The following NR3C2 variants were observed in gnomAD, a reference collection of about 807,000 sequenced individuals.
The protein encoded by NR3C2 is mineralocorticoid receptor.
Under a neutral mutation model 86.4 loss-of-function variants are expected in NR3C2, and 15 were observed. The ratio of observed to expected loss-of-function variants is 0.17; its 90% CI spans 0.12 to 0.27. The LOEUF is 0.27. Ranked by LOEUF, NR3C2 falls within the 10% of genes least tolerant of loss-of-function variation. NR3C2 has a pLI of 1.00. For missense variants in NR3C2, 960 were observed against 1,195.6 expected (o/e 0.80, Z 2.91); for synonymous variants, 458 against 450.5 (o/e 1.02, Z -0.21).
At chr4:148,296,656 G>A (rs1742069934) in intron 2 of NR3C2, among the ~76,000 whole-genome samples, 1 of 151,320 alleles carries the variant, frequency 6.6e-6, no homozygotes. Context: ...CATAAAGACA[G>A]GGGAACTGAA....
chr4:148,217,740 A>C (rs1245885026), intron 3 of NR3C2, among the ~76,000 whole-genome samples: 1 of 152,222 alleles, frequency 6.6e-6, no homozygotes. Context: ...AATAGTCTAA[A>C]GTTTTCCACC....
chr4:148,225,248 T>C (rs541488978), intron 3 of NR3C2, among the ~76,000 whole-genome samples: 9 of 152,252 alleles, frequency 5.9e-5, no homozygotes, highest in South Asian at 2.1e-4. Flanking sequence ...GGCTGGACTA[T>C]AGGAAACATA....
intron 2 of NR3C2, among the ~76,000 whole-genome samples, chr4:148,393,289 C>G (rs2126500760): frequency 6.6e-6 from 1 of 152,136 alleles, no homozygotes; most frequent in East Asian, 1.9e-4. Flanking sequence ...GAATATTATC[C>G]TAAATCAGTG....
chr4:148,365,976 T>A (rs985612967), intron 2 of NR3C2, among the ~76,000 whole-genome samples: 4 of 152,098 alleles, frequency 2.6e-5, no homozygotes, highest in African/African-American at 9.7e-5. Context: ...ATAACAAAAG[T>A]TATCCGTAAT....
At chr4:148,106,466 T>C (rs1234608956) in intron 8 of NR3C2, among the ~76,000 whole-genome samples, 2 of 152,150 alleles carry the variant, frequency 1.3e-5, no homozygotes, top group Non-Finnish European at 2.9e-5. Context: ...TCAGTGTTAT[T>C]CCCATTAAGC....
At chr4:148,398,530 A>C (rs550402189) in intron 2 of NR3C2, among the ~76,000 whole-genome samples, 1 of 152,300 alleles carries the variant, frequency 6.6e-6, no homozygotes, top group South Asian at 2.1e-4. Flanking sequence ...ACCTTAACTC[A>C]CATTTTATAA....
intron 6 of NR3C2, among the ~76,000 whole-genome samples, chr4:148,126,014 G>A (rs1198796535): frequency 6.6e-6 from 1 of 152,226 alleles, no homozygotes; most frequent in African/African-American, 2.4e-5. Flanking sequence ...TGTCTGTGGA[G>A]CACAACACAA....
chr4:148,424,117 A>G (rs930964871), intron 2 of NR3C2, among the ~76,000 whole-genome samples: 2 of 152,240 alleles, frequency 1.3e-5, no homozygotes, highest in African/African-American at 4.8e-5. Flanking sequence ...AAGATGAAAA[A>G]CACACAATAA....
chr4:148,337,494 T>G lies in NR3C2; in HGVS notation c.1758-77377A>C, dbSNP rs371728862. Among the ~76,000 whole-genome samples, 10 of 152,350 alleles carry G rather than the reference T, an allele frequency of 6.6e-5. No homozygotes were observed. The East Asian group carries it at 1.5e-3, about 23-fold the overall frequency. On this transcript the variant is annotated intron_variant, in intron 2 of 8. Transcript: ENST00000358102. ...TTTATCAAATTTTAAGCAGGGATGC[T>G]ACAAAGTTGAAACATAAAGAAGAAA...
intron 2 of NR3C2, among the ~76,000 whole-genome samples, chr4:148,373,620 A>T (rs1010524064): frequency 6.6e-6 from 1 of 151,764 alleles, no homozygotes; most frequent in African/African-American, 2.4e-5. Flanking sequence ...AGCTACAGGC[A>T]CGTGCCACCA....
intron 4 of NR3C2, among the ~76,000 whole-genome samples, chr4:148,190,531 T>C (rs1736146052): frequency 6.6e-6 from 1 of 152,372 alleles, no homozygotes; most frequent in Admixed American, 6.5e-5. Flanking sequence ...AAATGTTCTG[T>C]ATACATCTGT....
chr4:148,355,697 G>A (rs1230443921), intron 2 of NR3C2, among the ~76,000 whole-genome samples: 3 of 152,174 alleles, frequency 2.0e-5, no homozygotes, highest in South Asian at 2.1e-4. Flanking sequence ...AAATGTCACC[G>A]AAACTGAGCT....
chr4:148,244,080 A>C (rs1739200822), intron 3 of NR3C2, among the ~76,000 whole-genome samples: 1 of 152,036 alleles, frequency 6.6e-6, no homozygotes, highest in South Asian at 2.1e-4. Flanking sequence ...CTGGCAGTTA[A>C]CTCCTGACAA....
chr4:148,325,712 C>T (rs139643332), intron 2 of NR3C2, among the ~76,000 whole-genome samples: 3 of 152,274 alleles, frequency 2.0e-5, no homozygotes, highest in East Asian at 1.9e-4. Flanking sequence ...GGTACACAGC[C>T]GGTAGCAAAT....
At chr4:148,190,588 T>C (rs1362541637) in intron 4 of NR3C2, among the ~76,000 whole-genome samples, 2 of 152,248 alleles carry the variant, frequency 1.3e-5, no homozygotes, top group Non-Finnish European at 2.9e-5. Context: ...TGTTTCTTTG[T>C]TGACTTTCTG....
At chr4:148,351,197 G>A (rs937624300) in intron 2 of NR3C2, among the ~76,000 whole-genome samples, 7 of 152,088 alleles carry the variant, frequency 4.6e-5, no homozygotes, top group African/African-American at 1.7e-4. Context: ...CCAGGCTAGA[G>A]AGCAGTGGTG....
chr4:148,275,830 C>T (rs1483815840), intron 2 of NR3C2, among the ~76,000 whole-genome samples: 1 of 152,020 alleles, frequency 6.6e-6, no homozygotes, highest in Non-Finnish European at 1.5e-5. Flanking sequence ...CTGGAGTTCC[C>T]AAGAGTCAGG....
At chr4:148,247,736 G>A (rs1296988525) in intron 3 of NR3C2, among the ~76,000 whole-genome samples, 1 of 151,804 alleles carries the variant, frequency 6.6e-6, no homozygotes, top group Non-Finnish European at 1.5e-5. Flanking sequence ...GGTTTCTGCT[G>A]GCTCTGGACT....
At position 148,179,311 on chromosome 4, in the gene NR3C2, C is replaced by T. The variant is rs536355214; in HGVS notation, c.2014+15435G>A. 1.5e-3 allele frequency among the ~76,000 whole-genome samples: 228 copies of T among 151,670 alleles called. 7 individuals are homozygous for T. In the South Asian group the frequency reaches 0.038, roughly 25 times the overall value. On this transcript the variant is annotated intron_variant, in intron 4 of 8. Transcript: ENST00000358102. ...CCACCGAGGACAAATGACAAGATTT[C>T]CTATGCCCAAAAAGTCTGAAATGCT...
Sources: allele counts gnomAD v4.1 joint callset (sites outside exome capture counted in the v4.1 genomes callset), GRCh38; gene constraint gnomAD v4.1.1; transcripts MANE v1.5; gene names NCBI Gene and HGNC (gene_info 2026-07-23, HGNC 2026-07-21).